PPFIBP1: variants seen among roughly 807,000 people sequenced by gnomAD.
PPFIBP1 encodes liprin-beta-1.
A neutral mutation model predicts 137.8 loss-of-function variants in PPFIBP1; 112 were observed. The observed-to-expected ratio is 0.81, with a 90% confidence interval of 0.70 to 0.95. The LOEUF (loss-of-function observed/expected upper bound fraction) is 0.95. Ranked by LOEUF, PPFIBP1 falls within the 40% of genes least tolerant of loss-of-function variation. The probability of loss-of-function intolerance (pLI) is 0.00; values close to 1 mark genes in which losing one functional copy is unlikely to be tolerated. For synonymous variants in PPFIBP1, 378 were observed against 417.3 expected, an observed-to-expected ratio of 0.91 and a Z score of 1.15; for missense variants, 1,083 against 1,196.6, an observed-to-expected ratio of 0.91 and a Z score of 1.40.
At chr12:27,560,846 C>T (rs2049099402) in intron 1 of PPFIBP1, among the ~76,000 whole-genome samples, 1 of 152,182 alleles carries the variant, frequency 6.6e-6, no homozygotes, top group Non-Finnish European at 1.5e-5. Context: ...TGAAAACTAA[C>T]TTAATATCCT....
At chr12:27,660,740 T>C (rs1422625565) in intron 10 of PPFIBP1, 144 bp from the exon 11 acceptor site, 4 of 1,222,620 alleles carry the variant, frequency 3.3e-6, no homozygotes, top group Non-Finnish European at 4.4e-6. Context: ...AGAATATGGG[T>C]GTTAAATGTG....
chr12:27,565,331 T>A lies in PPFIBP1; in HGVS notation c.-123-12821T>A, dbSNP rs566470658. 7.2e-5 allele frequency among the ~76,000 whole-genome samples: 11 copies of A among 152,386 alleles called. No individual in the cohort carries two copies. In the South Asian group the frequency reaches 2.1e-3, roughly 29 times the overall value. On this transcript the variant is annotated intron_variant, in intron 1 of 29. Transcript: ENST00000228425. The stretch of plus-strand genomic sequence containing the variant: ...CTGGGCTCAGTATTGCCCCATCTTC[T>A]GTTTTCTCTAGAAAAATCAAATATC...
chr12:27,641,241 T>G (rs1214307600), intron 4 of PPFIBP1, among the ~76,000 whole-genome samples: 1 of 152,248 alleles, frequency 6.6e-6, no homozygotes, highest in African/African-American at 2.4e-5. Flanking sequence ...CAAAATTAGT[T>G]TCTGTTTTAT....
chr12:27,568,129 A>G (rs1319459658), intron 1 of PPFIBP1, among the ~76,000 whole-genome samples: 1 of 152,220 alleles, frequency 6.6e-6, no homozygotes, highest in Non-Finnish European at 1.5e-5. Flanking sequence ...GCATGGACCC[A>G]TAGTGGCCTC....
chr12:27,564,256 T>C (rs2049444203), intron 1 of PPFIBP1, among the ~76,000 whole-genome samples: 2 of 152,208 alleles, frequency 1.3e-5, no homozygotes, highest in South Asian at 4.1e-4. Context: ...TCTTCAAAAC[T>C]TGAGATAATA....
chr12:27,654,659 T>TTATAGG lies in PPFIBP1; in HGVS notation c.604-54_604-49dup, dbSNP rs1479334530. On this transcript the variant is annotated intron_variant, in intron 7 of 29. Coordinates refer to ENST00000228425, the MANE Select transcript of PPFIBP1 (RefSeq NM_003622.4). ...TTCTTAAGATTTCCAAGCTGCTATT[T>TTATAGG]TATAGGTATAGGTAACTGTGTTACC... 482 of 1,524,790 alleles carry TTATAGG rather than the reference T, an allele frequency of 3.2e-4. 3 individuals carry two copies. The highest frequency in any genetic ancestry group is 1.6e-3 in the South Asian group (119 of 72,972). The allele number at this position is 1,524,790 out of a possible 1,614,324, so 94.5% of individuals were successfully genotyped here. A position where few individuals can be genotyped will look rare whatever the true frequency, so the allele number is the denominator to read the frequency against.
At chr12:27,565,844 T>G (rs10842934) in intron 1 of PPFIBP1, among the ~76,000 whole-genome samples, 66,475 of 152,044 alleles carry the variant, frequency 0.44, 15,107 homozygotes, top group South Asian at 0.61. Flanking sequence ...AGCACTACTT[T>G]GCCGTCTGTT....
intron 2 of PPFIBP1, among the ~76,000 whole-genome samples, chr12:27,632,439 A>G (rs1162599179): frequency 6.6e-6 from 1 of 152,172 alleles, no homozygotes; most frequent in Non-Finnish European, 1.5e-5. Flanking sequence ...CCTGAAATGC[A>G]TTAATGAATG....
intron 28 of PPFIBP1, 143 bp downstream of exon 28, chr12:27,692,071 CT>C: frequency 4.4e-6 from 3 of 689,634 alleles, no homozygotes; most frequent in Non-Finnish European, 7.0e-6. Context: ...TTAGAGATCA[CT>C]TATATCTTCC....
intron 1 of PPFIBP1, among the ~76,000 whole-genome samples, chr12:27,525,254 T>G (rs1033888631): frequency 6.6e-6 from 1 of 152,144 alleles, no homozygotes; most frequent in African/African-American, 2.4e-5. Flanking sequence ...AAAAAGAACT[T>G]GATTTCAAAG....
intron 1 of PPFIBP1, among the ~76,000 whole-genome samples, chr12:27,564,595 G>C (rs572424710): frequency 1.3e-5 from 2 of 152,252 alleles, no homozygotes; most frequent in Non-Finnish European, 1.5e-5. Flanking sequence ...AATTATACGT[G>C]CTTTCACTTT....
intron 20 of PPFIBP1, 32 bp downstream of exon 20, chr12:27,679,671 CCT>C: frequency 6.2e-7 from 1 of 1,605,916 alleles, no homozygotes; most frequent in Non-Finnish European, 8.5e-7. Context: ...TGGAATGGGC[CCT>C]GTCTTACATG....
intron 5 of PPFIBP1, 128 bp from the exon 6 acceptor site, chr12:27,647,601 G>C: frequency 1.7e-6 from 1 of 582,612 alleles, no homozygotes; most frequent in Non-Finnish European, 3.0e-6. Flanking sequence ...GTACTTCTCA[G>C]ATTTTTTTTT....
At chr12:27,609,536 A>G (rs2138078052) in intron 2 of PPFIBP1, among the ~76,000 whole-genome samples, 1 of 152,008 alleles carries the variant, frequency 6.6e-6, no homozygotes, top group South Asian at 2.1e-4. Flanking sequence ...CTCTTCCCAC[A>G]TCTTCTCGGG....
chr12:27,549,830 T>C (rs1453614441), intron 1 of PPFIBP1, among the ~76,000 whole-genome samples: 2 of 152,116 alleles, frequency 1.3e-5, no homozygotes, highest in Admixed American at 6.5e-5. Context: ...ATTCACCTGG[T>C]GTAGGAGGGT....
chr12:27,655,714 C>G (rs1001629081), intron 8 of PPFIBP1, among the ~76,000 whole-genome samples: 2 of 152,204 alleles, frequency 1.3e-5, no homozygotes, highest in Non-Finnish European at 2.9e-5. Flanking sequence ...CTTGTCCACT[C>G]TGCTCCTACC....
intron 1 of PPFIBP1, among the ~76,000 whole-genome samples, chr12:27,574,837 A>G (rs2050429653): frequency 1.3e-5 from 2 of 152,232 alleles, no homozygotes; most frequent in South Asian, 4.1e-4. Flanking sequence ...GAAGGTGGAA[A>G]TAATTTACTT....
Position 27,664,410 on chromosome 12 carries a change from A to T in PPFIBP1, c.955A>T (p.Met319Leu). ...ACAGTGCCTGAACAGGTACAAGAAA[A>T]TGCAAGACACGGTGGTACTGGCCCA... is the stretch of plus-strand genomic sequence containing the variant. ...LRQCLNRYKK[M>L]QDTVVLAQGK... The change falls in exon 12 of 30, where the codon ATG becomes TTG. Residue 319 changes from methionine to leucine, a missense_variant. Transcript: ENST00000228425. 1 of 1,613,326 alleles carries T rather than the reference A, an allele frequency of 6.2e-7. No homozygotes were observed. The highest frequency in any genetic ancestry group is 8.5e-7 in the Non-Finnish European group (1 of 1,179,396).
chr12:27,664,540 C>T, intron 12 of PPFIBP1, 94 bp downstream of exon 12: 1 of 811,422 alleles, frequency 1.2e-6, no homozygotes, highest in Admixed American at 2.3e-5. Flanking sequence ...TGGATCATAC[C>T]CATTGTCCCA....
Sources: allele counts gnomAD v4.1 joint callset (sites outside exome capture counted in the v4.1 genomes callset), GRCh38; gene constraint gnomAD v4.1.1; transcripts MANE v1.5; gene names NCBI Gene and HGNC (gene_info 2026-07-23, HGNC 2026-07-21).